Variants in B4GALT7 observed in about 807,000 individuals in gnomAD.
The protein encoded by B4GALT7 is beta-1,4-galactosyltransferase 7.
In B4GALT7, 30 loss-of-function variants were observed where a neutral mutation model predicts 33.0. The ratio of observed to expected loss-of-function variants is 0.91; its 90% CI spans 0.68 to 1.23. The LOEUF (loss-of-function observed/expected upper bound fraction) is 1.23. B4GALT7 is among the 50% of genes most tolerant of loss of function. The probability of loss-of-function intolerance (pLI) is 0.00; values close to 1 mark genes in which losing one functional copy is unlikely to be tolerated. For missense variants in B4GALT7, 507 were observed against 450.8 expected, an observed-to-expected ratio of 1.12 and a Z score of -1.13; for synonymous variants, 213 against 187.2, an observed-to-expected ratio of 1.14 and a Z score of -1.13.
At position 177,606,891 on chromosome 5, in the gene B4GALT7, T is replaced by G; in HGVS notation, c.414-411T>G. On this transcript the variant is annotated intron_variant, in intron 2 of 5. Coordinates refer to ENST00000029410, the MANE Select transcript of B4GALT7 (RefSeq NM_007255.3). This position sits in a 1 kb window ranked among gnomAD's most constrained non-coding sequence, Gnocchi z 4.2. ...TGGGTCATCTCTTCAGGCCTTCAGGTTTCTGTCACTCAGTTCCCCTGGCCC... is the reference window on the plus strand; with the variant it reads ...TGGGTCATCTCTTCAGGCCTTCAGGGTTCTGTCACTCAGTTCCCCTGGCCC... The G allele has an allele frequency of 2.9e-6, 1 of 347,438 alleles. No homozygotes were observed. Among genetic ancestry groups the G allele is most frequent in the South Asian group, 2.3e-5 (1 of 43,980 alleles). 21.5% of individuals were successfully genotyped at this position (347,438 alleles called of 1,614,324 possible).
rs1488630151 is a variant in B4GALT7, at chr5:177,604,260, C to T, written c.132C>T (p.Phe44=). 2 of 1,613,588 alleles carry T rather than the reference C, an allele frequency of 1.2e-6. No individual in the cohort carries two copies. Among genetic ancestry groups the T allele is most frequent in the East Asian group, 2.2e-5 (1 of 44,844 alleles). ...TGGCCTGCCTCTCGCTGGGCTTCTT[C>T]TCCCTACTCTGGCTGCAGCTCAGCT... is the stretch of plus-strand genomic sequence containing the variant. ...LFVACLSLGF[F]SLLWLQLSCS... is the part of the protein sequence containing the mutation. Residue 44 remains phenylalanine, a synonymous_variant, in exon 2 of 6, where the codon TTC becomes TTT. Transcript: ENST00000029410.
rs895605058 is a variant in B4GALT7, at chr5:177,604,268, T to G, written c.140T>G (p.Leu47Arg). Residue 47 changes from leucine to arginine, a missense_variant, in exon 2 of 6, where the codon CTC (leucine) becomes CGC (arginine). By Grantham distance (102) the Leu-to-Arg change is moderately radical. Coordinates refer to ENST00000029410, the MANE Select transcript of B4GALT7 (RefSeq NM_007255.3). Reference protein sequence around the residue: ...ACLSLGFFSLLWLQLSCSGDV... With the variant: ...ACLSLGFFSLRWLQLSCSGDV... ...CTCTCGCTGGGCTTCTTCTCCCTACTCTGGCTGCAGCTCAGCTGCTCTGGG... is the reference window on the plus strand; with the variant it reads ...CTCTCGCTGGGCTTCTTCTCCCTACGCTGGCTGCAGCTCAGCTGCTCTGGG... 7.4e-6 allele frequency: 12 copies of G among 1,613,432 alleles called. No homozygotes were observed. The highest frequency in any genetic ancestry group is 1.0e-5 in the Non-Finnish European group (12 of 1,179,766).
Position 177,608,510 on chromosome 5 carries a change from C to A in B4GALT7, c.640-29C>A. 6.4e-7 allele frequency: 1 copy of A among 1,569,182 alleles called. No individual in the cohort carries two copies. The highest frequency in any genetic ancestry group is 8.8e-7 in the Non-Finnish European group (1 of 1,142,564). ...AGGCCCCCCCCCCCGGGAAGATGGG[C>A]CGAGTGACGCTGCTTGTCTCTGTGT... On this transcript the variant is annotated intron_variant, in intron 3 of 5. Coordinates refer to ENST00000029410, the MANE Select transcript of B4GALT7 (RefSeq NM_007255.3). This position sits in a 1 kb window ranked among gnomAD's most constrained non-coding sequence, Gnocchi z 4.1.
At position 177,607,367 on chromosome 5, in the gene B4GALT7, C is replaced by G; in HGVS notation, c.479C>G (p.Ala160Gly). ...LESSNSTDYI[A>G]MHDVDLLPLN... Reference sequence around the variant, plus strand: ...AGCAGCAACAGCACGGACTACATTGCCATGCACGACGTTGACCTGCTCCCT... The same window carrying G: ...AGCAGCAACAGCACGGACTACATTGGCATGCACGACGTTGACCTGCTCCCT... The change falls in exon 3 of 6, where the codon GCC becomes GGC. Residue 160 changes from alanine (A) to glycine (G), a missense_variant. By Grantham distance (60) the Ala-to-Gly change is moderately conservative (BLOSUM62 0). Coordinates refer to ENST00000029410, the MANE Select transcript of B4GALT7 (RefSeq NM_007255.3). 1 of 1,614,060 alleles carries G rather than the reference C, an allele frequency of 6.2e-7. No individual in the cohort carries two copies. The highest frequency in any genetic ancestry group is 1.1e-5 in the South Asian group (1 of 91,068).
At chr5:177,601,212 G>A (rs902754375) in intron 1 of B4GALT7, among the ~76,000 whole-genome samples, 1 of 152,114 alleles carries the variant, frequency 6.6e-6, no homozygotes, top group African/African-American at 2.4e-5. Flanking sequence ...AATAGAAAGC[G>A]TGGACTAGCG....
rs116372418 is a variant in B4GALT7 at position 177,607,121 on chromosome 5, T to G, written c.414-181T>G. The G allele has an allele frequency of 3.7e-3, 2,501 of 669,236 alleles. 53 individuals are homozygous for G. The African/African-American group carries it at 0.04, about 11-fold the overall frequency. The allele number at this position is 669,236 out of a possible 1,614,324, so 41.5% of individuals were successfully genotyped here. Reference sequence around the variant, plus strand: ...TGTACCTCCCGTGCTTTGAATGGTTTCTGGCACATAGTGGGTGCTTAGTAA... The same window carrying G: ...TGTACCTCCCGTGCTTTGAATGGTTGCTGGCACATAGTGGGTGCTTAGTAA... On this transcript the variant is annotated intron_variant, in intron 2 of 5. Transcript: ENST00000029410.
At position 177,607,524 on chromosome 5, in the gene B4GALT7, G is replaced by C. The variant is rs1190089382; in HGVS notation, c.636G>C (p.Arg212=). Residue 212 remains arginine (R), a synonymous_variant, in exon 3 of 6, where the codon CGG becomes CGC. Transcript: ENST00000029410. ...GILLLSKQHY[R]LCNGMSNRFW... is the part of the protein sequence containing the mutation. ...TGCTGCTCTCCAAGCAGCACTACCGGCTGGTGAGGCCCGGACAGCCTGCTC... is the reference window on the plus strand; with the variant it reads ...TGCTGCTCTCCAAGCAGCACTACCGCCTGGTGAGGCCCGGACAGCCTGCTC... 6.2e-7 allele frequency: 1 copy of C among 1,610,840 alleles called. No individual in the cohort carries two copies. Among genetic ancestry groups the C allele is most frequent in the Non-Finnish European group, 8.5e-7 (1 of 1,179,864 alleles).
At chr5:177,604,972 T>C (rs992322436) in intron 2 of B4GALT7, 40 of 456,578 alleles carry the variant, frequency 8.8e-5, no homozygotes, top group Non-Finnish European at 1.7e-4. Flanking sequence ...TCCCTGCCCT[T>C]ACCAAAAAGT....
At position 177,604,511 on chromosome 5, in the gene B4GALT7, T is replaced by G. The variant is rs1332406943; in HGVS notation, c.383T>G (p.Ile128Ser). ...FLSRKKIRHH[I>S]YVLNQVDHFR... ...AGCAGGAAGAAGATCCGGCACCACA[T>G]CTACGTGCTCAACCAGGTGGACCAC... The change falls in exon 2 of 6, where the codon ATC becomes AGC. Residue 128 changes from isoleucine to serine, a missense_variant. Ile to Ser is a moderately radical substitution (Grantham distance 142). Transcript: ENST00000029410. The G allele has an allele frequency of 6.2e-7, 1 of 1,613,822 alleles. No homozygotes were observed.
chr5:177,609,512 C>A, intron 5 of B4GALT7, 28 bp from the exon 6 acceptor site: 1 of 1,612,228 alleles, frequency 6.2e-7, no homozygotes, highest in Non-Finnish European at 8.5e-7. Context: ...AGCCCTGAGT[C>A]CGTGCTCTTT....
Position 177,608,370 on chromosome 5 carries a change from C to T in B4GALT7, c.640-169C>T. ...AGGCCCCGTGAGAACGGGAGAGGGC[C>T]CGGGACGCGCTGCTTCCTGCCGCCC... On this transcript the variant is annotated intron_variant, in intron 3 of 5. Transcript: ENST00000029410. The surrounding 1 kb of genome is among the most constrained non-coding windows in gnomAD (Gnocchi z 4.1). 3.2e-6 allele frequency: 2 copies of T among 625,452 alleles called. No homozygotes were observed. Among genetic ancestry groups the T allele is most frequent in the South Asian group, 1.9e-5 (1 of 53,272 alleles). The allele number at this position is 625,452 out of a possible 1,614,324, so 38.7% of individuals were successfully genotyped here. A position where few individuals can be genotyped will look rare whatever the true frequency, so the allele number is the denominator to read the frequency against.
intron 1 of B4GALT7, among the ~76,000 whole-genome samples, chr5:177,601,990 C>T (rs759848029): frequency 5.9e-5 from 9 of 152,098 alleles, no homozygotes; most frequent in Non-Finnish European, 8.8e-5. Flanking sequence ...ACCCAGTCCA[C>T]GCCGTTCCCC....
rs1768095893 is a variant in B4GALT7 at position 177,608,934 on chromosome 5, A to G, written c.748A>G (p.Thr250Ala). ...LQLFRPSGIT[T>A]GYKTFRHLHD... ...GCTTTTCCGCCCCTCGGGAATCACA[A>G]CTGGGTACAAGACATTTCGCCACCT... Residue 250 changes from threonine (T) to alanine (A), a missense_variant, in exon 5 of 6, where the codon ACT becomes GCT. Physicochemically the swap from Thr to Ala is moderately conservative, Grantham distance 58. Transcript: ENST00000029410. The surrounding 1 kb of genome is among the most constrained non-coding windows in gnomAD (Gnocchi z 4.1). 2 of 1,613,776 alleles carry G rather than the reference A, an allele frequency of 1.2e-6. No individual in the cohort carries two copies. The highest frequency in any genetic ancestry group is 4.5e-5 in the East Asian group (2 of 44,884).
chr5:177,606,971 C>T lies in B4GALT7; in HGVS notation c.414-331C>T, dbSNP rs965511465. On this transcript the variant is annotated intron_variant, in intron 2 of 5. Coordinates refer to ENST00000029410, the MANE Select transcript of B4GALT7 (RefSeq NM_007255.3). This position sits in a 1 kb window ranked among gnomAD's most constrained non-coding sequence, Gnocchi z 4.2. The stretch of plus-strand genomic sequence containing the variant: ...CACCTCCACCCCCAGCAAGATCGCC[C>T]TCCTTGCCTGCTTTGCTTTTCCCCC... 24 of 416,720 alleles carry T rather than the reference C, an allele frequency of 5.8e-5. No homozygotes were observed. The highest frequency in any genetic ancestry group is 9.1e-5 in the Non-Finnish European group (20 of 219,982). 25.8% of individuals were successfully genotyped at this position (416,720 alleles called of 1,614,324 possible). A position where few individuals can be genotyped will look rare whatever the true frequency, so the allele number is the denominator to read the frequency against.
At position 177,610,003 on chromosome 5, in the gene B4GALT7, T is replaced by C. The variant is rs1474639783; in HGVS notation, c.*308T>C. ...TTCACGTGCCCAGGCCTGTGGGTAG[T>C]GGGGAGGGCTGAACAGGACAACCTC... On this transcript the variant is annotated 3_prime_UTR_variant, in exon 6 of 6. Transcript: ENST00000029410. 1.8e-5 allele frequency: 8 copies of C among 445,722 alleles called. No homozygotes were observed. The highest frequency in any genetic ancestry group is 2.9e-5 in the Non-Finnish European group (7 of 238,360). 27.6% of individuals were successfully genotyped at this position (445,722 alleles called of 1,614,324 possible).
chr5:177,603,764 G>A (rs75412941), intron 1 of B4GALT7, among the ~76,000 whole-genome samples: 1 of 152,122 alleles, frequency 6.6e-6, no homozygotes, highest in Non-Finnish European at 1.5e-5. Context: ...GAAAGCAGTG[G>A]GTTGCATCTC....
rs765468044 is a variant in B4GALT7, at chr5:177,604,234, G to A, written c.106G>A (p.Val36Met). The change falls in exon 2 of 6, where the codon GTG becomes ATG. Residue 36 changes from valine to methionine, a missense_variant. Transcript: ENST00000029410. ...PRKCSVFHLF[V>M]ACLSLGFFSL... ...GAAGTGTTCCGTCTTCCACCTGTTC[G>A]TGGCCTGCCTCTCGCTGGGCTTCTT... is the stretch of plus-strand genomic sequence containing the variant. 8 of 1,613,542 alleles carry A rather than the reference G, an allele frequency of 5.0e-6. No homozygotes were observed. The highest frequency in any genetic ancestry group is 3.3e-5 in the Admixed American group (2 of 59,984).
rs1768043064 is a variant in B4GALT7 at position 177,607,341 on chromosome 5, GAGC to G, written c.458_460del (p.Ser153del). On this transcript the variant is annotated inframe_deletion, in exon 3 of 6. Transcript: ENST00000029410. ...CGCTCATCAACGTGGGCTTCCTGGA[GAGC>G]AGCAACAGCACGGACTACATTGCCA... The G allele has an allele frequency of 1.2e-6, 2 of 1,613,626 alleles. No homozygotes were observed. Among genetic ancestry groups the G allele is most frequent in the African/African-American group, 2.7e-5 (2 of 75,062 alleles).
rs376015350 is a variant in B4GALT7 at position 177,610,185 on chromosome 5, G to A, written c.*490G>A. On this transcript the variant is annotated 3_prime_UTR_variant, in exon 6 of 6. Coordinates refer to ENST00000029410, the MANE Select transcript of B4GALT7 (RefSeq NM_007255.3). ...CCACAGAGGGGGAACAGCCAGCACC[G>A]CTCTAGCTGGTTGTTGCCATGCCGG... 4 of 171,438 alleles carry A rather than the reference G, an allele frequency of 2.3e-5. No individual in the cohort carries two copies. The highest frequency in any genetic ancestry group is 7.1e-5 in the African/African-American group (3 of 42,290). The allele number at this position is 171,438 out of a possible 1,614,324, so 10.6% of individuals were successfully genotyped here.
Sources: allele counts gnomAD v4.1 joint callset (sites outside exome capture counted in the v4.1 genomes callset), GRCh38; gene constraint gnomAD v4.1.1; non-coding constraint Gnocchi (gnomAD v3.1); transcripts MANE v1.5; gene names NCBI Gene and HGNC (gene_info 2026-07-23, HGNC 2026-07-21).